Variants in ADGRL2 observed in about 807,000 individuals in gnomAD.
The protein encoded by ADGRL2 is calcium-independent alpha-latrotoxin receptor 2.
ADGRL2 carries 44 observed loss-of-function variants against 157.4 expected under a neutral mutation model. The ratio of observed to expected loss-of-function variants is 0.28; its 90% confidence interval spans 0.22 to 0.36. The LOEUF is 0.36. Ranked by LOEUF, ADGRL2 falls within the 10% of genes least tolerant of loss-of-function variation. The pLI, the probability that ADGRL2 is intolerant of heterozygous loss-of-function variation, is 1.00. For synonymous variants in ADGRL2, 585 were observed against 624.7 expected, an observed-to-expected ratio of 0.94 and a Z score of 0.95; for missense variants, 1,510 against 1,768.9, an observed-to-expected ratio of 0.85 and a Z score of 2.63.
rs1664930764 is a variant in ADGRL2 at position 81,993,330 on chromosome 1, A to G, written c.*2185A>G. On this transcript the variant is annotated 3_prime_UTR_variant, in exon 24 of 24. Coordinates refer to ENST00000686636, the MANE Select transcript of ADGRL2 (RefSeq NM_001366006.2). Reference sequence around the variant, plus strand: ...TATTTTTAATTTTCCATCTTGTTATACTTTTTATTTTAAATGCCTAAAACC... The same window carrying G: ...TATTTTTAATTTTCCATCTTGTTATGCTTTTTATTTTAAATGCCTAAAACC... 1.3e-5 allele frequency among the ~76,000 whole-genome samples: 2 copies of G among 151,698 alleles called. No individual in the cohort carries two copies. Among genetic ancestry groups the G allele is most frequent in the Non-Finnish European group, 2.9e-5 (2 of 67,958 alleles).
chr1:81,480,852 T>A (rs558824170), intron 2 of ADGRL2, among the ~76,000 whole-genome samples: 1 of 152,312 alleles, frequency 6.6e-6, no homozygotes, highest in African/African-American at 2.4e-5. Context: ...CCATATATGC[T>A]GTGTTAAAAT....
At chr1:81,704,999 T>C (rs2083685226) in intron 1 of ADGRL2, among the ~76,000 whole-genome samples, 2 of 152,182 alleles carry the variant, frequency 1.3e-5, no homozygotes, top group Non-Finnish European at 1.5e-5. Flanking sequence ...CATGTAGATA[T>C]GGGAATGCAC....
chr1:81,466,622 C>A (rs2078058080), intron 2 of ADGRL2, among the ~76,000 whole-genome samples: 1 of 151,990 alleles, frequency 6.6e-6, no homozygotes, highest in Non-Finnish European at 1.5e-5. Context: ...CAAAAGCAAC[C>A]CAGTGATAAG....
intron 11 of ADGRL2, among the ~76,000 whole-genome samples, chr1:81,963,115 T>G (rs1011305696): frequency 2.0e-5 from 3 of 152,016 alleles, no homozygotes; most frequent in African/African-American, 7.2e-5. Flanking sequence ...TTTTCTTATT[T>G]TTAGTGTCTT....
intron 1 of ADGRL2, among the ~76,000 whole-genome samples, chr1:81,362,211 T>G (rs2075991359): frequency 6.6e-6 from 1 of 151,916 alleles, no homozygotes; most frequent in African/African-American, 2.4e-5. Flanking sequence ...CCTTGACATT[T>G]AATGTAGGAA....
At chr1:81,485,888 A>T (rs896936749) in intron 2 of ADGRL2, among the ~76,000 whole-genome samples, 1 of 152,190 alleles carries the variant, frequency 6.6e-6, no homozygotes, top group African/African-American at 2.4e-5. Flanking sequence ...ACAGAAAACT[A>T]AAGACTCGGA....
At chr1:81,337,281 C>T (rs1031866204) in intron 1 of ADGRL2, among the ~76,000 whole-genome samples, 15 of 152,184 alleles carry the variant, frequency 9.9e-5, no homozygotes, top group African/African-American at 3.1e-4. Context: ...AAGACATTCA[C>T]GGATGACAAA....
chr1:81,838,070 G>A (rs67651740), intron 2 of ADGRL2, among the ~76,000 whole-genome samples: 7 of 151,752 alleles, frequency 4.6e-5, no homozygotes, highest in African/African-American at 1.4e-4. Context: ...CACTTATACC[G>A]ATTATTAAAA....
At position 81,816,005 on chromosome 1, in the gene ADGRL2, G is replaced by C. The variant is rs2090366497; in HGVS notation, c.-101+14937G>C. On this transcript the variant is annotated intron_variant, in intron 1 of 23. Transcript: ENST00000686636. ...AGTATTTCTAAAAAAAAATTAGGGAGTAAGAATGAGCTCTTAGAACAATAC... is the reference window on the plus strand; with the variant it reads ...AGTATTTCTAAAAAAAAATTAGGGACTAAGAATGAGCTCTTAGAACAATAC... Among the ~76,000 whole-genome samples the C allele has an allele frequency of 2.0e-5, 3 of 151,788 alleles. No homozygotes were observed. The South Asian group carries it at 6.2e-4, about 32-fold the overall frequency.
rs369933373 is a variant in ADGRL2, at chr1:81,463,845, A to G, written c.-248+18756A>G. Among the ~76,000 whole-genome samples, 55 of 152,316 alleles carry G rather than the reference A, an allele frequency of 3.6e-4. No homozygotes were observed. In the South Asian group the frequency reaches 0.011, roughly 31 times the overall value. Reference sequence around the variant, plus strand: ...GTCCTTGGTGTCATTGTTTATTGCCAGTAAGAATGAAAATATCACCACCAC... The same window carrying G: ...GTCCTTGGTGTCATTGTTTATTGCCGGTAAGAATGAAAATATCACCACCAC... On this transcript the variant is annotated intron_variant, in intron 2 of 24. Transcript: ENST00000370721.
chr1:81,761,783 AAAT>A (rs1355539258), intron 1 of ADGRL2: 1 of 152,048 alleles, frequency 6.6e-6, no homozygotes, highest in African/African-American at 2.4e-5. Context: ...GAGGTATAAT[AAAT>A]AATAATATTT....
At chr1:81,961,272 A>C (rs970601413) in intron 11 of ADGRL2, among the ~76,000 whole-genome samples, 2 of 152,148 alleles carry the variant, frequency 1.3e-5, no homozygotes, top group African/African-American at 4.8e-5. Flanking sequence ...GCTGAGCCAC[A>C]TATTGGTATT....
At chr1:81,431,242 T>A (rs935663131) in intron 1 of ADGRL2, among the ~76,000 whole-genome samples, 1 of 152,318 alleles carries the variant, frequency 6.6e-6, no homozygotes, top group African/African-American at 2.4e-5. Flanking sequence ...TTTTTATTTT[T>A]TTCTTTAAGA....
chr1:81,910,535 T>C (rs1270081257), intron 3 of ADGRL2, among the ~76,000 whole-genome samples: 2 of 151,738 alleles, frequency 1.3e-5, no homozygotes, highest in Non-Finnish European at 2.9e-5. Flanking sequence ...AACTGGACTG[T>C]TGCCTTCCCA....
intron 1 of ADGRL2, among the ~76,000 whole-genome samples, chr1:81,400,750 C>T (rs72713468): frequency 0.046 from 6,980 of 152,112 alleles, 206 homozygotes; most frequent in Non-Finnish European, 0.063. Flanking sequence ...AGACAGGGAG[C>T]ACCACAGCAA....
intron 2 of ADGRL2, among the ~76,000 whole-genome samples, chr1:81,488,909 G>T (rs1193999129): frequency 1.3e-5 from 2 of 152,068 alleles, no homozygotes; most frequent in Non-Finnish European, 2.9e-5. Flanking sequence ...TCAATAAAAT[G>T]ATGTGTGAAC....
chr1:81,987,765 CAG>C (rs1285263566), intron 22 of ADGRL2, 102 bp from the exon 23 acceptor site: 3 of 238,742 alleles, frequency 1.3e-5, no homozygotes, highest in East Asian at 2.8e-4. Context: ...AAATTAAACA[CAG>C]AACTTGGTTT....
chr1:81,703,188 A>C (rs138954142), intron 1 of ADGRL2, among the ~76,000 whole-genome samples: 23 of 152,354 alleles, frequency 1.5e-4, no homozygotes, highest in African/African-American at 5.5e-4. Context: ...GGGCATGAGA[A>C]GAATGAAGGG....
chr1:81,378,340 C>G lies in ADGRL2; in HGVS notation c.-301-66696C>G, dbSNP rs191657694. On this transcript the variant is annotated intron_variant, in intron 1 of 24. Transcript: ENST00000370721. ...CTGAGGCAAGAGGATGGCTTGAGCC[C>G]AGGAGTTCGAGACCAGCCTAGGCAA... Among the ~76,000 whole-genome samples, 4 of 152,010 alleles carry G rather than the reference C, an allele frequency of 2.6e-5. No homozygotes were observed. The East Asian group carries it at 7.8e-4, about 29-fold the overall frequency.
Sources: gnomAD v4.1 joint callset for allele counts (sites outside exome capture counted in the v4.1 genomes callset) on GRCh38, gnomAD v4.1.1 for gene constraint, MANE v1.5 for transcripts, NCBI Gene and HGNC (gene_info 2026-07-23, HGNC 2026-07-21) for gene names.